CLASP1: variants seen among roughly 807,000 people sequenced by gnomAD.
CLASP1 encodes the protein CLIP-associating protein 1.
In CLASP1, 38 loss-of-function variants were observed where a neutral mutation model predicts 192.3. The observed-to-expected ratio is 0.20, with a 90% CI of 0.15 to 0.26. The LOEUF (loss-of-function observed/expected upper bound fraction) is 0.26. Among genes scored for constraint, CLASP1 ranks in the 10% least tolerant of loss-of-function variants. The pLI, the probability that CLASP1 is intolerant of heterozygous loss-of-function variation, is 1.00. For synonymous variants in CLASP1, 691 were observed against 712.8 expected, an observed-to-expected ratio of 0.97 and a Z score of 0.49; for missense variants, 1,433 against 1,932.5, an observed-to-expected ratio of 0.74 and a Z score of 4.85.
chr2:121,339,566 C>T (rs971603791), exon 40 of CLASP1: 7 of 152,230 alleles, frequency 4.6e-5, no homozygotes, highest in African/African-American at 1.7e-4. Context: ...CCTCTAGTTA[C>T]TTTTATTGGA....
intron 2 of CLASP1, among the ~76,000 whole-genome samples, chr2:121,575,751 G>A (rs1010937264): frequency 3.9e-5 from 6 of 152,176 alleles, no homozygotes; most frequent in Non-Finnish European, 7.3e-5. Flanking sequence ...TGGGTGAGGA[G>A]AGGCAGAAAG....
At position 121,530,360 on chromosome 2, in the gene CLASP1, C is replaced by G. The variant is rs1300464305; in HGVS notation, c.196-35G>C. The G allele has an allele frequency of 2.0e-6, 3 of 1,522,196 alleles. No homozygotes were observed. In the African/African-American group the frequency reaches 4.1e-5, roughly 21 times the overall value. 94.3% of individuals were successfully genotyped at this position (1,522,196 alleles called of 1,614,324 possible). ...GAAACACCGGGAGCCTGTTAGCAGC[C>G]GGCCTGCGGGGCAGCGCTCCCGCCC... On this transcript the variant is annotated intron_variant, in intron 2 of 39. Coordinates refer to ENST00000263710, the Ensembl canonical transcript of CLASP1.
At position 121,448,319 on chromosome 2, in the gene CLASP1, C is replaced by A. The variant is rs372220696; in HGVS notation, c.1698G>T (p.Pro566=). 9 of 1,610,860 alleles carry A rather than the reference C, an allele frequency of 5.6e-6. No homozygotes were observed. The South Asian group carries it at 6.6e-5, about 12-fold the overall frequency. Reference sequence around the variant, plus strand: ...CAGTAGGACTTCTTTTGGCAGACAGCGGACGACTAAAAGTAAAGATGTATA... The same window carrying A: ...CAGTAGGACTTCTTTTGGCAGACAGAGGACGACTAAAAGTAAAGATGTATA... Residue 566 remains proline (P), a synonymous_variant, in exon 18 of 40, where the codon CCG becomes CCT. Transcript: ENST00000263710.
intron 25 of CLASP1, 97 bp downstream of exon 26, chr2:121,407,374 G>C: frequency 7.3e-7 from 1 of 1,362,160 alleles, no homozygotes; most frequent in Non-Finnish European, 1.0e-6. Flanking sequence ...ATTAATTATA[G>C]GAATTAGACT....
At chr2:121,443,808 A>G (rs1559215794) in intron 19 of CLASP1, among the ~76,000 whole-genome samples, 1 of 152,164 alleles carries the variant, frequency 6.6e-6, no homozygotes, top group Non-Finnish European at 1.5e-5. Context: ...AAATTTAAGA[A>G]ACACTGCTCT....
chr2:121,352,569 A>AG (rs2149161163), intron 37 of CLASP1, among the ~76,000 whole-genome samples: 1 of 152,354 alleles, frequency 6.6e-6, no homozygotes, highest in South Asian at 2.1e-4. Flanking sequence ...AGAGAAGCAC[A>AG]GGAGACAAAC....
chr2:121,483,512 GTA>G lies in CLASP1; in HGVS notation c.713-13554_713-13553del, dbSNP rs746707741. Among the ~76,000 whole-genome samples the G allele has an allele frequency of 3.3e-5, 5 of 151,086 alleles. 1 individual carries two copies. The highest frequency in any genetic ancestry group is 1.3e-4 in the Admixed American group (2 of 15,134). On this transcript the variant is annotated intron_variant, in intron 8 of 39. Transcript: ENST00000263710. ...TATATATGTGTGTATATATATGTATGTATATATGTGTGTGTATATATATGTAT... is the reference window on the plus strand; with the variant it reads ...TATATATGTGTGTATATATATGTATGTATATGTGTGTGTATATATATGTAT...
At chr2:121,642,165 C>G (rs149328430) in intron 1 of CLASP1, among the ~76,000 whole-genome samples, 2,088 of 151,726 alleles carry the variant, frequency 0.014, 42 homozygotes, top group African/African-American at 0.047. Flanking sequence ...CGCCTATAAT[C>G]CCAGCACTTT....
intron 19 of CLASP1, among the ~76,000 whole-genome samples, chr2:121,446,605 C>T (rs939585934): frequency 6.6e-6 from 1 of 152,182 alleles, no homozygotes; most frequent in Non-Finnish European, 1.5e-5. Context: ...TGAATTGGCT[C>T]TTACAAAAAC....
At chr2:121,519,698 C>A (rs1024923838) in intron 6 of CLASP1, among the ~76,000 whole-genome samples, 1 of 152,192 alleles carries the variant, frequency 6.6e-6, no homozygotes, top group Non-Finnish European at 1.5e-5. Context: ...AAACCAACAT[C>A]TTTATCCTTT....
exon 25 of CLASP1, chr2:121,407,557 G>A (rs1436095637): frequency 6.2e-7 from 1 of 1,613,964 alleles, no homozygotes; most frequent in Non-Finnish European, 8.5e-7. Flanking sequence ...CACAGTGGTT[G>A]AGAACTTCTG....
At chr2:121,415,171 TTA>T (rs1259526920) in intron 23 of CLASP1, among the ~76,000 whole-genome samples, 2 of 152,188 alleles carry the variant, frequency 1.3e-5, no homozygotes, top group Non-Finnish European at 2.9e-5. Flanking sequence ...AGTACACTGG[TTA>T]TGAGTACCAG....
intron 22 of CLASP1, among the ~76,000 whole-genome samples, chr2:121,423,752 A>C (rs889560258): frequency 2.6e-5 from 4 of 152,238 alleles, no homozygotes; most frequent in Non-Finnish European, 4.4e-5. Flanking sequence ...AAGAGACCAC[A>C]CTACGCAATG....
At chr2:121,389,405 A>G (rs555909989) in intron 30 of CLASP1, among the ~76,000 whole-genome samples, 1 of 152,290 alleles carries the variant, frequency 6.6e-6, no homozygotes, top group East Asian at 1.9e-4. Flanking sequence ...TTTGATATGC[A>G]TATTTGCATA....
intron 1 of CLASP1, among the ~76,000 whole-genome samples, chr2:121,618,852 A>G (rs2066884311): frequency 6.6e-6 from 1 of 152,254 alleles, no homozygotes; most frequent in Non-Finnish European, 1.5e-5. Flanking sequence ...AAGACTGTAC[A>G]GAAATAAGGC....
rs543678576 is a variant in CLASP1, at chr2:121,495,325, A to T, written c.712+7842T>A. ...GCGACAGAGCTGGACTCCGTCTCTA[A>T]AACATAAATAAATAAAAATATTTAA... is the stretch of plus-strand genomic sequence containing the variant. On this transcript the variant is annotated intron_variant, in intron 8 of 39. Transcript: ENST00000263710. 6.3e-3 allele frequency among the ~76,000 whole-genome samples: 946 copies of T among 149,398 alleles called. 12 individuals are homozygous for T. The highest frequency in any genetic ancestry group is 0.022 in the African/African-American group (877 of 39,130).
chr2:121,610,812 GCAGGAGGAAGAGTTA>G (rs2065258414), intron 1 of CLASP1, among the ~76,000 whole-genome samples: 1 of 135,132 alleles, frequency 7.4e-6, no homozygotes, highest in African/African-American at 2.9e-5. Context: ...AGGAACTGGA[GCAGGAGGAAGAGTTA>G]CAGGAGGAAG....
At chr2:121,349,100 C>T (rs186274246) in intron 37 of CLASP1, among the ~76,000 whole-genome samples, 233 of 152,124 alleles carry the variant, frequency 1.5e-3, no homozygotes, top group African/African-American at 5.4e-3. Flanking sequence ...ATTAGCCGGA[C>T]GTGTTGGTGG....
At chr2:121,451,759 A>G (rs370494855) in intron 15 of CLASP1, 31 bp downstream of exon 15, 2 of 1,546,594 alleles carry the variant, frequency 1.3e-6, no homozygotes, top group Non-Finnish European at 1.8e-6. Flanking sequence ...CTCAATTCAG[A>G]GGGAAAAATG....
Sources: allele counts gnomAD v4.1 joint callset (sites outside exome capture counted in the v4.1 genomes callset), GRCh38; gene constraint gnomAD v4.1.1; transcripts MANE v1.5; gene names NCBI Gene and HGNC (gene_info 2026-07-23, HGNC 2026-07-21).